Variants in SAMMSON observed in about 807,000 individuals in gnomAD.
The protein encoded by SAMMSON is survival associated mitochondrial melanoma specific oncogenic non-coding RNA.
At chr3:70,305,444 A>C (rs1271558662) in intron 7 of SAMMSON, among the ~76,000 whole-genome samples, 3 of 152,224 alleles carry the variant, frequency 2.0e-5, no homozygotes, top group Admixed American at 1.3e-4. Flanking sequence ...AGTGTGGCTT[A>C]ATATTTAAAT....
At chr3:70,364,303 T>C (rs531845776) in intron 9 of SAMMSON, among the ~76,000 whole-genome samples, 177 of 152,046 alleles carry the variant, frequency 1.2e-3, no homozygotes, top group African/African-American at 4.1e-3. Flanking sequence ...CAAAACTGTG[T>C]GTGTATTTGT....
chr3:70,241,748 CAT>C (rs1375751422), intron 4 of SAMMSON, among the ~76,000 whole-genome samples: 9 of 152,262 alleles, frequency 5.9e-5, no homozygotes, highest in South Asian at 4.1e-4. Flanking sequence ...GTCTCACACA[CAT>C]GAGTCCATTT....
At chr3:70,336,496 G>T (rs949146148) in intron 7 of SAMMSON, among the ~76,000 whole-genome samples, 1 of 151,940 alleles carries the variant, frequency 6.6e-6, no homozygotes, top group African/African-American at 2.4e-5. Context: ...AGACATATCT[G>T]TCAATCTTGG....
At position 70,228,014 on chromosome 3, in the gene SAMMSON, A is replaced by T. The variant is rs1198551312; in HGVS notation, n.508-21093A>T. On this transcript the variant is annotated intron_variant and non_coding_transcript_variant, in intron 4 of 9. Coordinates refer to ENST00000642114, the Ensembl canonical transcript of SAMMSON. ...AATATTGATAATATAGTAGTATAAT[A>T]GTAATATAATAAGCAATATAAATAA... Among the ~76,000 whole-genome samples, 12 of 151,430 alleles carry T rather than the reference A, an allele frequency of 7.9e-5. No homozygotes were observed. The East Asian group carries it at 2.3e-3, about 29-fold the overall frequency.
intron 4 of SAMMSON, among the ~76,000 whole-genome samples, chr3:70,162,196 T>A (rs900216971): frequency 2.6e-5 from 4 of 151,910 alleles, no homozygotes; most frequent in African/African-American, 9.6e-5. Flanking sequence ...TAATTTCTTC[T>A]TCTTTTTCAA....
chr3:70,168,588 T>C (rs1482179404), intron 4 of SAMMSON, among the ~76,000 whole-genome samples: 1 of 151,924 alleles, frequency 6.6e-6, no homozygotes. Flanking sequence ...ACACAAACGA[T>C]TGAGATCAAT....
chr3:70,076,251 C>T (rs2067248236), intron 4 of SAMMSON, among the ~76,000 whole-genome samples: 1 of 151,984 alleles, frequency 6.6e-6, no homozygotes, highest in African/African-American at 2.4e-5. Flanking sequence ...AGCTAATAGG[C>T]TTTTACCTAG....
At chr3:70,211,079 T>C (rs1231973616) in intron 4 of SAMMSON, among the ~76,000 whole-genome samples, 1 of 152,154 alleles carries the variant, frequency 6.6e-6, no homozygotes, top group Non-Finnish European at 1.5e-5. Flanking sequence ...TTTTCTCTCA[T>C]TTGACTCTTC....
At chr3:70,023,889 T>C (rs1482099430) in intron 3 of SAMMSON, among the ~76,000 whole-genome samples, 1 of 152,206 alleles carries the variant, frequency 6.6e-6, no homozygotes, top group East Asian at 1.9e-4. Flanking sequence ...CTACACCATG[T>C]CCATTTCTGT....
In SAMMSON at chr3:70,415,280, G is replaced by GCA. The variant is rs1252272089; in HGVS notation, n.234-47279_234-47278dup. Among the ~76,000 whole-genome samples, 14 of 152,226 alleles carry GCA rather than the reference G, an allele frequency of 9.2e-5. No individual in the cohort carries two copies. In the East Asian group the frequency reaches 1.2e-3, roughly 13 times the overall value. On this transcript the variant is annotated intron_variant and non_coding_transcript_variant, in intron 2 of 3. Transcript: ENST00000641053. Reference sequence around the variant, plus strand: ...TTCTGTCAAGCGCATGTTGCCCTTGGCAATGGGTCTGCTGTTACTAATTTT... The same window carrying GCA: ...TTCTGTCAAGCGCATGTTGCCCTTGGCACAATGGGTCTGCTGTTACTAATTTT...
At chr3:70,397,416 C>T (rs965838412) in intron 2 of SAMMSON, among the ~76,000 whole-genome samples, 4 of 152,034 alleles carry the variant, frequency 2.6e-5, no homozygotes, top group Non-Finnish European at 4.4e-5. Flanking sequence ...GTGATCCTTC[C>T]ACTCAGTCTC....
At chr3:70,218,434 T>C (rs1429638074) in intron 4 of SAMMSON, among the ~76,000 whole-genome samples, 2 of 152,180 alleles carry the variant, frequency 1.3e-5, no homozygotes, top group Non-Finnish European at 2.9e-5. Context: ...TGGAGACCAC[T>C]GGTCTGAGTA....
chr3:70,119,101 T>C (rs2067422763), intron 4 of SAMMSON, among the ~76,000 whole-genome samples: 1 of 152,170 alleles, frequency 6.6e-6, no homozygotes, highest in African/African-American at 2.4e-5. Flanking sequence ...AGTTTCGCTC[T>C]TGTTACCCAA....
chr3:70,194,879 C>A (rs1239023537), intron 4 of SAMMSON, among the ~76,000 whole-genome samples: 1 of 151,918 alleles, frequency 6.6e-6, no homozygotes, highest in African/African-American at 2.4e-5. Flanking sequence ...GTGACTAGAC[C>A]ACGGGTAGAG....
chr3:70,238,892 T>G (rs1349995344), intron 4 of SAMMSON, among the ~76,000 whole-genome samples: 1 of 152,228 alleles, frequency 6.6e-6, no homozygotes, highest in Non-Finnish European at 1.5e-5. Context: ...TTCTTCTGAC[T>G]CTATTTTCTT....
At chr3:70,149,135 G>A (rs1291762695) in intron 4 of SAMMSON, among the ~76,000 whole-genome samples, 1 of 152,080 alleles carries the variant, frequency 6.6e-6, no homozygotes, top group Non-Finnish European at 1.5e-5. Flanking sequence ...GTCAAATGTG[G>A]TGAAAAGAGT....
intron 4 of SAMMSON, among the ~76,000 whole-genome samples, chr3:70,159,213 T>C (rs1333851214): frequency 6.6e-6 from 1 of 152,082 alleles, no homozygotes; most frequent in Non-Finnish European, 1.5e-5. Context: ...TTAGGGTACA[T>C]GTGCACAATG....
At chr3:70,389,469 T>A (rs1701024441) in intron 9 of SAMMSON, 1 of 152,136 alleles carries the variant, frequency 6.6e-6, no homozygotes, top group South Asian at 2.1e-4. Flanking sequence ...TCTCCTAACC[T>A]CTTTATCTTC....
intron 4 of SAMMSON, among the ~76,000 whole-genome samples, chr3:70,216,637 A>G (rs1701414939): frequency 6.6e-6 from 1 of 152,130 alleles, no homozygotes; most frequent in African/African-American, 2.4e-5. Context: ...TGTATTATAG[A>G]TGTTACCGTT....
Sources: gnomAD v4.1 joint callset for allele counts (sites outside exome capture counted in the v4.1 genomes callset) on GRCh38, gnomAD v4.1.1 for gene constraint, MANE v1.5 for transcripts, NCBI Gene and HGNC (gene_info 2026-07-23, HGNC 2026-07-21) for gene names.